C1D: variants seen among roughly 807,000 people sequenced by gnomAD.
C1D encodes C1D nuclear receptor corepressor.
Under a neutral mutation model 17.5 loss-of-function variants are expected in C1D, and 10 were observed. That is an observed-to-expected ratio of 0.57 (90% CI 0.35 to 0.97). The LOEUF is 0.97. Ranked by LOEUF, C1D falls within the 50% of genes least tolerant of loss-of-function variation. The pLI is 0.01. For missense variants in C1D, 136 were observed against 160.1 expected, an observed-to-expected ratio of 0.85 and a Z score of 0.81; for synonymous variants, 49 against 54.0, an observed-to-expected ratio of 0.91 and a Z score of 0.40.
At position 68,041,461 on chromosome 2, in the gene C1D, T is replaced by C. The variant is rs374133781; in HGVS notation, c.*1428A>G. 4.1e-4 allele frequency: 62 copies of C among 152,038 alleles called. No individual in the cohort carries two copies. The highest frequency in any genetic ancestry group is 1.4e-3 in the African/African-American group (59 of 41,528). The allele number at this position is 152,038 out of a possible 1,614,324, so 9.4% of individuals were successfully genotyped here. ...TCTTAACAGTAACACATTTCTCTCATGAAGAGGTTATTTTTAAAAATAGCT... is the reference window on the plus strand; with the variant it reads ...TCTTAACAGTAACACATTTCTCTCACGAAGAGGTTATTTTTAAAAATAGCT... On this transcript the variant is annotated 3_prime_UTR_variant, in exon 5 of 5. Coordinates refer to ENST00000410067, the MANE Select transcript of C1D (RefSeq NM_173177.3).
intron 1 of C1D, among the ~76,000 whole-genome samples, chr2:68,056,340 G>T (rs1385352959): frequency 6.6e-6 from 1 of 151,904 alleles, no homozygotes; most frequent in Non-Finnish European, 1.5e-5. Flanking sequence ...CTGACCTTGT[G>T]ATCTGCCCAC....
intron 1 of C1D, among the ~76,000 whole-genome samples, chr2:68,056,366 T>C (rs760347811): frequency 3.9e-5 from 6 of 152,002 alleles, no homozygotes; most frequent in Non-Finnish European, 8.8e-5. Flanking sequence ...CCTCCCAAAG[T>C]GCTGAGATTA....
chr2:68,050,514 T>C (rs914838741), intron 1 of C1D, among the ~76,000 whole-genome samples: 3 of 152,190 alleles, frequency 2.0e-5, no homozygotes, highest in Non-Finnish European at 2.9e-5. Context: ...TTAAATTCAA[T>C]GGTCAATTCT....
Position 68,046,227 on chromosome 2 carries a change from T to C in C1D, c.205+117A>G. The C allele has an allele frequency of 4.7e-6, 4 of 853,804 alleles. No individual in the cohort carries two copies. The Admixed American group carries it at 1.0e-4, about 22-fold the overall frequency. The allele number at this position is 853,804 out of a possible 1,614,324, so 52.9% of individuals were successfully genotyped here. ...TGGCATCTAGATTTAAAAATAAGTA[T>C]CTATTAAAAGTGTTATAAAGTATAA... On this transcript the variant is annotated intron_variant, in intron 3 of 4. Transcript: ENST00000410067.
In C1D at chr2:68,041,806, AATGAT is replaced by A. The variant is rs1670965283; in HGVS notation, c.*1078_*1082del. The A allele has an allele frequency of 6.6e-6, 1 of 152,056 alleles. No homozygotes were observed. The highest frequency in any genetic ancestry group is 2.4e-5 in the African/African-American group (1 of 41,472). The allele number at this position is 152,056 out of a possible 1,614,324, so 9.4% of individuals were successfully genotyped here. ...TACTATACTTGGCATTCCTACACAT[AATGAT>A]ATGGATTCAAACACTGAAAGCATTA... On this transcript the variant is annotated 3_prime_UTR_variant, in exon 5 of 5. Coordinates refer to ENST00000410067, the MANE Select transcript of C1D (RefSeq NM_173177.3).
chr2:68,055,893 T>C (rs1196634496), intron 1 of C1D, among the ~76,000 whole-genome samples: 3 of 152,212 alleles, frequency 2.0e-5, no homozygotes, highest in Admixed American at 1.3e-4. Context: ...AGAATACAAC[T>C]CCGTTCATAT....
chr2:68,054,011 A>G (rs1267787086), intron 1 of C1D, among the ~76,000 whole-genome samples: 2 of 152,160 alleles, frequency 1.3e-5, no homozygotes, highest in Non-Finnish European at 2.9e-5. Flanking sequence ...ATGTATTTTT[A>G]TTTACTTGAC....
intron 1 of C1D, among the ~76,000 whole-genome samples, chr2:68,051,560 A>C (rs888684036): frequency 6.6e-6 from 1 of 152,136 alleles, no homozygotes; most frequent in African/African-American, 2.4e-5. Context: ...CAAAAAGCTC[A>C]ACACAATCTG....
chr2:68,052,254 AAC>A, intron 1 of C1D, among the ~76,000 whole-genome samples: 1 of 152,304 alleles, frequency 6.6e-6, no homozygotes, highest in African/African-American at 2.4e-5. Flanking sequence ...GTCTGGAAAG[AAC>A]ATACAAAAAA....
intron 1 of C1D, among the ~76,000 whole-genome samples, chr2:68,060,604 C>T (rs566807198): frequency 6.8e-6 from 1 of 146,654 alleles, no homozygotes; most frequent in South Asian, 2.4e-4. Flanking sequence ...GATTGTGCCA[C>T]TGCACTCCAG....
At chr2:68,046,269 A>T in intron 3 of C1D, 75 bp downstream of exon 3, 1 of 1,147,386 alleles carries the variant, frequency 8.7e-7, no homozygotes, top group Non-Finnish European at 1.3e-6. Context: ...ATAAATTGTT[A>T]GCATTTTAAA....
intron 4 of C1D, among the ~76,000 whole-genome samples, chr2:68,044,013 A>T (rs1262124756): frequency 6.6e-6 from 1 of 152,128 alleles, no homozygotes; most frequent in Non-Finnish European, 1.5e-5. Flanking sequence ...TCAATTACCC[A>T]TACGGCCACT....
Position 68,046,428 on chromosome 2 carries a change from G to C in C1D, c.139-18C>G, listed in dbSNP as rs3755168. The C allele has an allele frequency of 4.1e-4, 635 of 1,563,634 alleles. 3 individuals are homozygous for C. The East Asian group carries it at 0.012, about 29-fold the overall frequency. On this transcript the variant is annotated intron_variant, in intron 2 of 4. Transcript: ENST00000410067. Reference sequence around the variant, plus strand: ...GGATCCAACTGTTAAAAAAGAAAGAGAGAGGGAAAGAGAGAAAGTGAGACA... The same window carrying C: ...GGATCCAACTGTTAAAAAAGAAAGACAGAGGGAAAGAGAGAAAGTGAGACA...
At chr2:68,049,940 A>G (rs1246311472) in intron 1 of C1D, among the ~76,000 whole-genome samples, 1 of 152,234 alleles carries the variant, frequency 6.6e-6, no homozygotes, top group Admixed American at 6.5e-5. Flanking sequence ...ATCACAAAGA[A>G]TTAGATAGAC....
intron 1 of C1D, among the ~76,000 whole-genome samples, chr2:68,057,190 T>A (rs1201724999): frequency 6.6e-6 from 1 of 152,244 alleles, no homozygotes; most frequent in Non-Finnish European, 1.5e-5. Flanking sequence ...TTCGTTCTTG[T>A]TGCCCAGGTT....
At chr2:68,054,730 C>T (rs183331682) in intron 1 of C1D, among the ~76,000 whole-genome samples, 20 of 151,732 alleles carry the variant, frequency 1.3e-4, no homozygotes, top group Admixed American at 5.3e-4. Flanking sequence ...GGGAGACTGA[C>T]AGGAGGATCA....
chr2:68,051,038 T>A (rs1395939721), intron 1 of C1D, among the ~76,000 whole-genome samples: 1 of 152,152 alleles, frequency 6.6e-6, no homozygotes, highest in Non-Finnish European at 1.5e-5. Flanking sequence ...ACTATCCTGG[T>A]CCAAACCACC....
At chr2:68,048,936 C>T (rs1239103530) in intron 1 of C1D, among the ~76,000 whole-genome samples, 1 of 152,182 alleles carries the variant, frequency 6.6e-6, no homozygotes, top group Non-Finnish European at 1.5e-5. Context: ...GTGGCTCCCG[C>T]TATAATCCCA....
rs1212242351 is a variant in C1D at position 68,041,799 on chromosome 2, T to G, written c.*1090A>C. 1 of 152,042 alleles carries G rather than the reference T, an allele frequency of 6.6e-6. No homozygotes were observed. The highest frequency in any genetic ancestry group is 1.5e-5 in the Non-Finnish European group (1 of 67,896). 9.4% of individuals were successfully genotyped at this position (152,042 alleles called of 1,614,324 possible). Reference sequence around the variant, plus strand: ...AGTACTTTACTATACTTGGCATTCCTACACATAATGATATGGATTCAAACA... The same window carrying G: ...AGTACTTTACTATACTTGGCATTCCGACACATAATGATATGGATTCAAACA... On this transcript the variant is annotated 3_prime_UTR_variant, in exon 5 of 5. Transcript: ENST00000410067.
Sources: gnomAD v4.1 joint callset for allele counts (sites outside exome capture counted in the v4.1 genomes callset) on GRCh38, gnomAD v4.1.1 for gene constraint, MANE v1.5 for transcripts, NCBI Gene and HGNC (gene_info 2026-07-23, HGNC 2026-07-21) for gene names.